IQSEC1: variants seen among roughly 807,000 people sequenced by gnomAD.
IQSEC1 encodes the protein IQ motif and SEC7 domain-containing protein 1.
A neutral mutation model predicts 91.0 loss-of-function variants in IQSEC1; 31 were observed. The observed-to-expected ratio is 0.34, with a 90% CI of 0.26 to 0.46. The LOEUF is 0.46. Ranked by LOEUF, IQSEC1 falls within the 20% of genes least tolerant of loss-of-function variation. The pLI, the probability that IQSEC1 is intolerant of heterozygous loss-of-function variation, is 1.00. For synonymous variants in IQSEC1, 699 were observed against 662.6 expected, an observed-to-expected ratio of 1.05 and a Z score of -0.84; for missense variants, 1,388 against 1,575.6, an observed-to-expected ratio of 0.88 and a Z score of 2.02.
intron 2 of IQSEC1, among the ~76,000 whole-genome samples, chr3:13,092,319 C>T (rs1221351548): frequency 6.6e-6 from 1 of 152,154 alleles, no homozygotes; most frequent in Non-Finnish European, 1.5e-5. Context: ...AGGTGTAATG[C>T]TCAGAAGTTC....
chr3:13,210,416 A>G (rs1694422959), intron 1 of IQSEC1, among the ~76,000 whole-genome samples: 1 of 152,104 alleles, frequency 6.6e-6, no homozygotes, highest in African/African-American at 2.4e-5. Context: ...TGGGCTGCCC[A>G]GGGAAGGGAA....
In IQSEC1 at chr3:12,983,538, G is replaced by A. The variant is rs144240174; in HGVS notation, c.24-41673C>T. On this transcript the variant is annotated intron_variant, in intron 1 of 13. Transcript: ENST00000613206. The surrounding 1 kb of genome is among the most constrained non-coding windows in gnomAD (Gnocchi z 4.3). The stretch of plus-strand genomic sequence containing the variant: ...GGCCTTCCTAGCCCCGAGACAGAGC[G>A]GCCAGGATGAAGTGATGCCCCAGCC... Among the ~76,000 whole-genome samples, 13 of 152,264 alleles carry A rather than the reference G, an allele frequency of 8.5e-5. No homozygotes were observed. In the East Asian group the frequency reaches 2.3e-3, roughly 27 times the overall value.
At position 12,900,875 on chromosome 3, in the gene IQSEC1, A is replaced by AG; in HGVS notation, c.*107dup. 1 of 1,533,844 alleles carries AG rather than the reference A, an allele frequency of 6.5e-7. No individual in the cohort carries two copies. Among genetic ancestry groups the AG allele is most frequent in the Non-Finnish European group, 8.7e-7 (1 of 1,145,736 alleles). ...TTGGGCCGTGAGGGGCAGAGGGGAG[A>AG]GATGGCAACAGAAGTGCCCCGGGTT... On this transcript the variant is annotated 3_prime_UTR_variant, in exon 14 of 14. Coordinates refer to ENST00000613206, the MANE Select transcript of IQSEC1 (RefSeq NM_001134382.3).
chr3:12,900,475 A>G lies in IQSEC1; in HGVS notation c.*508T>C, dbSNP rs1337431270. ...AGTATATATATATATATATTTATAT[A>G]TTTATATATTTATATAAAGTTTACT... On this transcript the variant is annotated 3_prime_UTR_variant, in exon 14 of 14. Transcript: ENST00000613206. 2.9e-6 allele frequency: 2 copies of G among 701,648 alleles called. No individual in the cohort carries two copies. The highest frequency in any genetic ancestry group is 1.7e-6 in the Non-Finnish European group (1 of 573,198). The allele number at this position is 701,648 out of a possible 1,614,324, so 43.5% of individuals were successfully genotyped here.
intron 2 of IQSEC1, among the ~76,000 whole-genome samples, chr3:13,150,734 G>A (rs968365486): frequency 6.6e-6 from 1 of 152,184 alleles, no homozygotes; most frequent in Admixed American, 6.5e-5. Flanking sequence ...CACCCACGGC[G>A]GGAGGGCTGA....
At chr3:13,108,266 T>C (rs56129377) in intron 2 of IQSEC1, among the ~76,000 whole-genome samples, 3,894 of 152,302 alleles carry the variant, frequency 0.026, 132 homozygotes, top group African/African-American at 0.077. Context: ...GTGGCTGTAA[T>C]ATAAATCATG....
intron 1 of IQSEC1, among the ~76,000 whole-genome samples, chr3:13,268,199 C>A (rs951206828): frequency 2.0e-4 from 31 of 152,214 alleles, no homozygotes; most frequent in African/African-American, 6.8e-4. Context: ...CCACCAGACA[C>A]GAAGCAGGAT....
intron 1 of IQSEC1, among the ~76,000 whole-genome samples, chr3:13,216,094 A>G (rs1349569737): frequency 6.6e-6 from 1 of 152,240 alleles, no homozygotes; most frequent in African/African-American, 2.4e-5. Context: ...TCCAACACCT[A>G]TTGGAAATGC....
intron 1 of IQSEC1, among the ~76,000 whole-genome samples, chr3:13,045,835 C>T (rs967058316): frequency 2.0e-5 from 3 of 152,240 alleles, no homozygotes; most frequent in Admixed American, 6.5e-5. Flanking sequence ...GGAACCCACA[C>T]GCCTGCTGGC....
At chr3:13,089,576 C>A (rs1320918666) in intron 2 of IQSEC1, among the ~76,000 whole-genome samples, 14 of 152,092 alleles carry the variant, frequency 9.2e-5, no homozygotes, top group Admixed American at 8.5e-4. Flanking sequence ...CAGAATGAGA[C>A]CCTGTCTCAA....
intron 1 of IQSEC1, among the ~76,000 whole-genome samples, chr3:13,072,510 C>T (rs12494292): frequency 0.22 from 33,794 of 152,258 alleles, 4,102 homozygotes; most frequent in South Asian, 0.43. Context: ...GACACTGATG[C>T]CTCCGTGCTA....
At chr3:13,244,693 G>A (rs1354822828) in intron 1 of IQSEC1, among the ~76,000 whole-genome samples, 2 of 152,214 alleles carry the variant, frequency 1.3e-5, no homozygotes, top group Non-Finnish European at 2.9e-5. Context: ...CGATAAATCA[G>A]TGGCAAAGGA....
chr3:13,071,152 TG>T (rs869219955), intron 1 of IQSEC1, among the ~76,000 whole-genome samples: 23,134 of 101,168 alleles, frequency 0.23, 2,456 homozygotes, highest in East Asian at 0.4. Context: ...AGTTTTTTTT[TG>T]TTTTTTTTTT....
At chr3:13,092,986 C>G (rs1041664919) in intron 2 of IQSEC1, among the ~76,000 whole-genome samples, 3 of 152,088 alleles carry the variant, frequency 2.0e-5, no homozygotes, top group Non-Finnish European at 4.4e-5. Context: ...CCCCAGCACC[C>G]AGGCACAAGC....
In IQSEC1 at chr3:12,901,056, T is replaced by G; in HGVS notation, c.3272A>C (p.His1091Pro). ...SAHVGHTVHH[H>P]GQPPAPPPPT... is the part of the protein sequence containing the mutation. ...GGGCGGCGGGGCAGGGGGCTGCCCA[T>G]GGTGGTGCACTGTGTGCCCCACGTG... Residue 1091 changes from histidine to proline, a missense_variant, in exon 14 of 14, where the codon CAT (histidine) becomes CCT (proline). His to Pro is a moderately conservative substitution (Grantham distance 77). Coordinates refer to ENST00000613206, the MANE Select transcript of IQSEC1 (RefSeq NM_001134382.3). 2 of 1,538,882 alleles carry G rather than the reference T, an allele frequency of 1.3e-6. No individual in the cohort carries two copies. The highest frequency in any genetic ancestry group is 1.2e-5 in the South Asian group (1 of 83,756).
chr3:12,962,370 G>A (rs976778869), intron 1 of IQSEC1, among the ~76,000 whole-genome samples: 2 of 152,212 alleles, frequency 1.3e-5, no homozygotes, highest in African/African-American at 4.8e-5. Context: ...TTCTGTAAAT[G>A]GCATCAGGGA....
chr3:13,187,666 T>C (rs531881553), intron 1 of IQSEC1, among the ~76,000 whole-genome samples: 1 of 152,264 alleles, frequency 6.6e-6, no homozygotes, highest in South Asian at 2.1e-4. Context: ...AATAAACTTC[T>C]CTTCTGGGTC....
At chr3:13,157,368 C>T (rs1486625345) in intron 2 of IQSEC1, among the ~76,000 whole-genome samples, 2 of 152,160 alleles carry the variant, frequency 1.3e-5, no homozygotes, top group Non-Finnish European at 1.5e-5. Flanking sequence ...CCAGTGACTT[C>T]AATGTGGCTC....
intron 2 of IQSEC1, among the ~76,000 whole-genome samples, chr3:13,088,601 A>T (rs1423913904): frequency 6.6e-6 from 1 of 151,988 alleles, no homozygotes; most frequent in East Asian, 1.9e-4. Context: ...CTGAACCTAC[A>T]TGAGACCATG....
Sources: allele counts gnomAD v4.1 joint callset (sites outside exome capture counted in the v4.1 genomes callset), GRCh38; gene constraint gnomAD v4.1.1; non-coding constraint Gnocchi (gnomAD v3.1); transcripts MANE v1.5; gene names NCBI Gene and HGNC (gene_info 2026-07-23, HGNC 2026-07-21).